The following NAA35 variants were observed in gnomAD, a reference collection of about 807,000 sequenced individuals.
NAA35 encodes the protein N-alpha-acetyltransferase 35, NatC auxiliary subunit.
In NAA35, 18 loss-of-function variants were observed where a neutral mutation model predicts 101.7. The observed-to-expected ratio is 0.18, with a 90% confidence interval of 0.12 to 0.26. The LOEUF is 0.26. NAA35 is among the 10% of genes least tolerant of loss of function. NAA35 has a pLI of 1.00. For synonymous variants in NAA35, 267 were observed against 273.1 expected (o/e 0.98, Z 0.22); for missense variants, 601 against 886.8 (o/e 0.68, Z 4.09).
chr9:86,021,394 A>G (rs1564332418), intron 22 of NAA35, among the ~76,000 whole-genome samples: 1 of 152,218 alleles, frequency 6.6e-6, no homozygotes, highest in Non-Finnish European at 1.5e-5. Context: ...ATGCTACGTC[A>G]TCATTTCAGA....
intron 10 of NAA35, 141 bp downstream of exon 10, chr9:85,977,587 G>T: frequency 6.0e-6 from 3 of 501,538 alleles, no homozygotes; most frequent in Non-Finnish European, 7.1e-6. Flanking sequence ...ATTTATACCA[G>T]TGTAACACTG....
intron 21 of NAA35, among the ~76,000 whole-genome samples, chr9:86,020,023 T>C (rs949014164): frequency 9.2e-5 from 14 of 152,222 alleles, no homozygotes; most frequent in Non-Finnish European, 1.3e-4. Flanking sequence ...ATGCTCCTTA[T>C]GATTTAAGAA....
intron 14 of NAA35, 43 bp downstream of exon 14, chr9:86,007,507 T>G: frequency 6.9e-7 from 1 of 1,459,064 alleles, no homozygotes. Context: ...TATGTGCTCC[T>G]TTAAAAGCCC....
At chr9:85,950,333 T>C (rs10117897) in intron 2 of NAA35, among the ~76,000 whole-genome samples, 47,558 of 152,118 alleles carry the variant, frequency 0.31, 9,713 homozygotes, top group African/African-American at 0.59. Context: ...GTAACCTCCG[T>C]CTCCTGGGTC....
At chr9:85,983,277 C>G (rs146865034) in intron 11 of NAA35, among the ~76,000 whole-genome samples, 467 of 152,284 alleles carry the variant, frequency 3.1e-3, no homozygotes, top group Non-Finnish European at 4.7e-3. Context: ...ACTCGGCCTT[C>G]AGAACAGTGT....
intron 22 of NAA35, among the ~76,000 whole-genome samples, chr9:86,021,177 T>C (rs1332426766): frequency 6.6e-6 from 1 of 152,230 alleles, no homozygotes; most frequent in African/African-American, 2.4e-5. Context: ...AGTCTGCCTA[T>C]ACGTTTTCCA....
chr9:86,020,250 T>C (rs1832459117), intron 21 of NAA35, among the ~76,000 whole-genome samples: 1 of 151,738 alleles, frequency 6.6e-6, no homozygotes, highest in East Asian at 1.9e-4. Context: ...TCTAAGAAAA[T>C]ATAAAGGGGG....
intron 2 of NAA35, among the ~76,000 whole-genome samples, chr9:85,948,902 C>T (rs111799877): frequency 6.2e-4 from 94 of 151,786 alleles, no homozygotes; most frequent in African/African-American, 2.2e-3. Flanking sequence ...GGATTACTGG[C>T]GCCCACCACA....
At chr9:86,014,033 TTAGAGC>T (rs1832080557) in intron 17 of NAA35, 136 bp downstream of exon 17, 1 of 630,494 alleles carries the variant, frequency 1.6e-6, no homozygotes, top group African/African-American at 1.8e-5. Context: ...AATTTGAAAA[TTAGAGC>T]TAGATCATCT....
chr9:85,981,042 G>A (rs1236639675), intron 11 of NAA35, among the ~76,000 whole-genome samples: 2 of 152,034 alleles, frequency 1.3e-5, no homozygotes, highest in Non-Finnish European at 2.9e-5. Context: ...AAAATGTTAG[G>A]TAATACAGCA....
intron 13 of NAA35, among the ~76,000 whole-genome samples, chr9:86,004,901 A>C (rs1831565386): frequency 6.6e-6 from 1 of 152,250 alleles, no homozygotes; most frequent in African/African-American, 2.4e-5. Flanking sequence ...AATCAGACTT[A>C]TAGTTAAAAA....
At chr9:85,955,343 TATATATA>T (rs1829201761) in intron 2 of NAA35, among the ~76,000 whole-genome samples, 8 of 68,826 alleles carry the variant, frequency 1.2e-4, no homozygotes, top group African/African-American at 6.0e-4. Flanking sequence ...TATATATATA[TATATATA>T]TATATATATA....
Position 86,022,097 on chromosome 9 carries a change from A to C in NAA35, c.*137A>C. 1.6e-6 allele frequency: 1 copy of C among 638,950 alleles called. No homozygotes were observed. The highest frequency in any genetic ancestry group is 2.7e-6 in the Non-Finnish European group (1 of 373,842). 39.6% of individuals were successfully genotyped at this position (638,950 alleles called of 1,614,324 possible). The stretch of plus-strand genomic sequence containing the variant: ...ACAACTCATTATAAGGAATACTTTT[A>C]GTTTGACAGCCTTATATGACATGAA... On this transcript the variant is annotated 3_prime_UTR_variant, in exon 23 of 23. Transcript: ENST00000361671.
chr9:85,955,965 G>T (rs1193208996), intron 2 of NAA35, among the ~76,000 whole-genome samples: 1 of 152,136 alleles, frequency 6.6e-6, no homozygotes, highest in East Asian at 1.9e-4. Flanking sequence ...ACTGTTACTG[G>T]AACAAAAGGA....
At chr9:85,964,246 C>G (rs1458699138) in intron 6 of NAA35, among the ~76,000 whole-genome samples, 1 of 151,356 alleles carries the variant, frequency 6.6e-6, no homozygotes, top group Non-Finnish European at 1.5e-5. Flanking sequence ...TATTAACATA[C>G]TGTCCCATTT....
chr9:85,954,128 C>T lies in NAA35; in HGVS notation c.125-2232C>T, dbSNP rs1248571767. Among the ~76,000 whole-genome samples the T allele has an allele frequency of 6.6e-5, 10 of 152,108 alleles. No homozygotes were observed. The East Asian group carries it at 1.4e-3, about 21-fold the overall frequency. ...CAGGGTCTCACTCTGTCACCCAGGC[C>T]GGAGTTCAGTGGTTCTGTTGTGGCT... is the stretch of plus-strand genomic sequence containing the variant. On this transcript the variant is annotated intron_variant, in intron 2 of 22. Coordinates refer to ENST00000361671, the MANE Select transcript of NAA35 (RefSeq NM_024635.4).
rs1830227104 is a variant in NAA35 at position 85,976,697 on chromosome 9, C to T, written c.640C>T (p.Arg214Ter). 6.3e-7 allele frequency: 1 copy of T among 1,585,400 alleles called. No homozygotes were observed. Among genetic ancestry groups the T allele is most frequent in the Non-Finnish European group, 8.6e-7 (1 of 1,168,434 alleles). The change falls in exon 9 of 23, where the codon CGA becomes TGA. Residue 214 changes from arginine to a stop codon, truncating the protein, a stop_gained. Coordinates refer to ENST00000361671, the MANE Select transcript of NAA35 (RefSeq NM_024635.4). LOFTEE classifies it high-confidence loss of function. Reference protein sequence around the residue: ...MQRRVKSTRSRQGEERDPEVE... With the variant: ...MQRRVKSTRS Reference sequence around the variant, plus strand: ...TTTAAAATTTTAGAGTACTCGAAGTCGACAAGGAGAAGAAAGAGATCCAGA... The same window carrying T: ...TTTAAAATTTTAGAGTACTCGAAGTTGACAAGGAGAAGAAAGAGATCCAGA...
At position 85,942,719 on chromosome 9, in the gene NAA35, A is replaced by T. The variant is rs183517093; in HGVS notation, c.124+436A>T. On this transcript the variant is annotated intron_variant, in intron 2 of 22. Transcript: ENST00000361671. ...CTATAAAATCTGGTCCCTGCCTGCC[A>T]CTCAGGTTTCATTTATGTGCCACTG... Among the ~76,000 whole-genome samples the T allele has an allele frequency of 3.9e-5, 6 of 152,210 alleles. No homozygotes were observed. In the East Asian group the frequency reaches 1.2e-3, roughly 29 times the overall value.
At chr9:85,977,621 G>T (rs1003795062) in intron 10 of NAA35, among the ~76,000 whole-genome samples, 175 bp downstream of exon 10, 20 of 152,116 alleles carry the variant, frequency 1.3e-4, no homozygotes, top group Admixed American at 1.3e-3. Context: ...GAAATCACAT[G>T]AATTTTGTTT....
Sources: allele counts gnomAD v4.1 joint callset (sites outside exome capture counted in the v4.1 genomes callset), GRCh38; gene constraint gnomAD v4.1.1; transcripts MANE v1.5; gene names NCBI Gene and HGNC (gene_info 2026-07-23, HGNC 2026-07-21).